PDE1C: variants seen among roughly 807,000 people sequenced by gnomAD.
PDE1C encodes phosphodiesterase 1C, also known as dual specificity calcium/calmodulin-dependent 3',5'-cyclic nucleotide phosphodiesterase 1C.
Under a neutral mutation model 93.1 loss-of-function variants are expected in PDE1C, and 62 were observed. The ratio of observed to expected loss-of-function variants is 0.67; its 90% CI spans 0.54 to 0.82. The LOEUF is 0.82. Among genes scored for constraint, PDE1C ranks in the 40% least tolerant of loss-of-function variants. The pLI is 0.00. For synonymous variants in PDE1C, 325 were observed against 310.1 expected (o/e 1.05, Z -0.50); for missense variants, 742 against 884.6 (o/e 0.84, Z 2.04).
intron 3 of PDE1C, among the ~76,000 whole-genome samples, chr7:32,096,820 A>AAGAT (rs70989634): frequency 0.25 from 36,023 of 144,260 alleles, 4,670 homozygotes; most frequent in Middle Eastern, 0.3. Flanking sequence ...AGGGGATAGA[A>AAGAT]AGATAGATAG....
intron 12 of PDE1C, among the ~76,000 whole-genome samples, chr7:31,825,362 G>T (rs775580638): frequency 6.6e-6 from 1 of 152,090 alleles, no homozygotes; most frequent in South Asian, 2.1e-4. Context: ...CACTCTGGGC[G>T]GTGGGAATGG....
chr7:32,231,258 G>A lies in PDE1C; in HGVS notation c.86-21719C>T, dbSNP rs557244628. 5.3e-5 allele frequency among the ~76,000 whole-genome samples: 8 copies of A among 152,130 alleles called. No individual in the cohort carries two copies. In the South Asian group the frequency reaches 1.7e-3, roughly 32 times the overall value. On this transcript the variant is annotated intron_variant, in intron 1 of 18. Coordinates refer to the PDE1C transcript ENST00000396193. ...TTCAAAGGATTTGCAATAGTGTTCT[G>A]GGAAGATGTTCACCAGCTTAGAGTA... is the stretch of plus-strand genomic sequence containing the variant.
In PDE1C at chr7:31,752,786, T is replaced by G. The variant is rs1319317973; in HGVS notation, c.*598A>C. The G allele has an allele frequency of 6.6e-6, 1 of 152,218 alleles. No homozygotes were observed. Among genetic ancestry groups the G allele is most frequent in the Non-Finnish European group, 1.5e-5 (1 of 68,036 alleles). 9.4% of individuals were successfully genotyped at this position (152,218 alleles called of 1,614,324 possible). A position where few individuals can be genotyped will look rare whatever the true frequency, so the allele number is the denominator to read the frequency against. ...TTAACTTGGATTTGCTTTATAAGCGTGAATTCTGAAATGTCCATGAATACA... is the reference window on the plus strand; with the variant it reads ...TTAACTTGGATTTGCTTTATAAGCGGGAATTCTGAAATGTCCATGAATACA... On this transcript the variant is annotated 3_prime_UTR_variant, in exon 18 of 18. Transcript: ENST00000396191.
At chr7:31,627,292 GTAAAAAGTAAT>G in the PDE1C span, among the ~76,000 whole-genome samples, 1 of 152,136 alleles carries the variant, frequency 6.6e-6, no homozygotes, top group African/African-American at 2.4e-5. Flanking sequence ...GTTGGAATCA[GTAAAAAGTAAT>G]ATTGGGGATG....
At position 31,880,728 on chromosome 7, in the gene PDE1C, T is replaced by C. The variant is rs747326305; in HGVS notation, c.242+19A>G. The C allele has an allele frequency of 1.1e-5, 16 of 1,441,548 alleles. No homozygotes were observed. The East Asian group carries it at 3.4e-4, about 31-fold the overall frequency. The allele number at this position is 1,441,548 out of a possible 1,614,324, so 89.3% of individuals were successfully genotyped here. A position where few individuals can be genotyped will look rare whatever the true frequency, so the allele number is the denominator to read the frequency against. On this transcript the variant is annotated intron_variant, in intron 3 of 17. Coordinates refer to ENST00000396191, the MANE Select transcript of PDE1C (RefSeq NM_001191057.4). ...ATTTACTATCACTATACTAATCTCT[T>C]TTGTTATTTTTAGCTTACCTTGTTT...
intron 1 of PDE1C, among the ~76,000 whole-genome samples, chr7:32,217,346 G>A (rs886885207): frequency 2.0e-5 from 3 of 152,202 alleles, no homozygotes; most frequent in African/African-American, 7.2e-5. Flanking sequence ...AGTAGAGTGA[G>A]AAATGTCATC....
intron 1 of PDE1C, among the ~76,000 whole-genome samples, chr7:32,064,150 G>C (rs1269483705): frequency 6.6e-6 from 1 of 151,992 alleles, no homozygotes; most frequent in Non-Finnish European, 1.5e-5. Flanking sequence ...CTCTTCCCTG[G>C]GTCATCTCCT....
chr7:31,974,170 T>A (rs1811333551), intron 2 of PDE1C, among the ~76,000 whole-genome samples: 1 of 152,198 alleles, frequency 6.6e-6, no homozygotes, highest in African/African-American at 2.4e-5. Flanking sequence ...CTTGGCTTAC[T>A]ACTTTTATTA....
In PDE1C at chr7:31,878,977, C is replaced by A; in HGVS notation, c.425+19G>T. 2 of 1,604,590 alleles carry A rather than the reference C, an allele frequency of 1.2e-6. No homozygotes were observed. The highest frequency in any genetic ancestry group is 1.7e-6 in the Non-Finnish European group (2 of 1,172,466). On this transcript the variant is annotated intron_variant, in intron 4 of 17. Coordinates refer to ENST00000396191, the MANE Select transcript of PDE1C (RefSeq NM_001191057.4). ...TTTGGCTGCTTTAGTCACTAAATGA[C>A]AATGAATGACATCTTTACCTCTCCA... is the stretch of plus-strand genomic sequence containing the variant.
intron 2 of PDE1C, among the ~76,000 whole-genome samples, chr7:31,999,106 T>C (rs2192389): frequency 0.5 from 76,498 of 151,938 alleles, 20,015 homozygotes; most frequent in African/African-American, 0.6. Flanking sequence ...CACTCATTCA[T>C]TCAGTACTTC....
At chr7:31,688,178 T>C in the PDE1C span, among the ~76,000 whole-genome samples, 1 of 152,158 alleles carries the variant, frequency 6.6e-6, no homozygotes. Context: ...GCACATTCTA[T>C]GGGTAATACT....
the PDE1C span, chr7:31,692,344 A>C: frequency 1.0e-6 from 1 of 988,748 alleles, no homozygotes; most frequent in Non-Finnish European, 1.5e-6. Flanking sequence ...TTTACTTAGC[A>C]AATGATTGAA....
chr7:31,617,031 G>A, the PDE1C span, among the ~76,000 whole-genome samples: 7 of 152,082 alleles, frequency 4.6e-5, no homozygotes, highest in Non-Finnish European at 4.4e-5. Flanking sequence ...ATGACAGACT[G>A]CTCCTAGGCA....
At chr7:32,240,321 T>C (rs938250057) in intron 1 of PDE1C, among the ~76,000 whole-genome samples, 2 of 152,224 alleles carry the variant, frequency 1.3e-5, no homozygotes, top group Non-Finnish European at 2.9e-5. Flanking sequence ...AAATATTAAC[T>C]GAGGGCTTAC....
chr7:32,204,950 A>G (rs552469508), intron 2 of PDE1C, among the ~76,000 whole-genome samples: 2 of 152,332 alleles, frequency 1.3e-5, no homozygotes, highest in African/African-American at 2.4e-5. Flanking sequence ...TGTTATCTCC[A>G]TGGCTCACAG....
intron 1 of PDE1C, among the ~76,000 whole-genome samples, chr7:32,223,989 C>T (rs13225493): frequency 0.12 from 18,291 of 152,190 alleles, 1,188 homozygotes; most frequent in East Asian, 0.23. Context: ...CTGTCCTGAG[C>T]TGCTCCACCT....
At chr7:31,831,419 CT>C (rs1281651076) in intron 11 of PDE1C, among the ~76,000 whole-genome samples, 1 of 151,668 alleles carries the variant, frequency 6.6e-6, no homozygotes, top group Non-Finnish European at 1.5e-5. Flanking sequence ...TGCCAAGAGG[CT>C]AGGCAGAGAA....
the PDE1C span, among the ~76,000 whole-genome samples, chr7:31,654,411 C>T: frequency 3.3e-5 from 5 of 152,182 alleles, no homozygotes; most frequent in African/African-American, 4.8e-5. Context: ...GTCTTTGCAT[C>T]TGAATCCTTT....
chr7:32,000,296 T>C (rs374951488), intron 2 of PDE1C, among the ~76,000 whole-genome samples: 15 of 152,168 alleles, frequency 9.9e-5, no homozygotes, highest in African/African-American at 3.6e-4. Flanking sequence ...GAGCTCAGAA[T>C]GGTTGGTGGC....
Sources: allele counts gnomAD v4.1 joint callset (sites outside exome capture counted in the v4.1 genomes callset), GRCh38; gene constraint gnomAD v4.1.1; transcripts MANE v1.5; gene names NCBI Gene and HGNC (gene_info 2026-07-23, HGNC 2026-07-21).